Variants in GRIN2B observed in about 807,000 individuals in gnomAD.
GRIN2B encodes glutamate receptor ionotropic, NMDA 2B.
Under a neutral mutation model 114.5 loss-of-function variants are expected in GRIN2B, and 5 were observed. The observed-to-expected ratio is 0.04, with a 90% CI of 0.02 to 0.09. GRIN2B has a LOEUF of 0.09. Among genes scored for constraint, GRIN2B ranks in the 10% least tolerant of loss-of-function variants. The pLI is 1.00. For missense variants in GRIN2B, 1,108 were observed against 1,943.5 expected, an observed-to-expected ratio of 0.57 and a Z score of 8.08; for synonymous variants, 787 against 745.1, an observed-to-expected ratio of 1.06 and a Z score of -0.92.
intron 3 of GRIN2B, among the ~76,000 whole-genome samples, chr12:13,759,464 C>A (rs1180666104): frequency 6.6e-6 from 1 of 152,144 alleles, no homozygotes; most frequent in Non-Finnish European, 1.5e-5. Flanking sequence ...TATTTACATC[C>A]CTTTGTAGCA....
intron 3 of GRIN2B, among the ~76,000 whole-genome samples, chr12:13,771,867 C>T (rs556677169): frequency 3.9e-5 from 6 of 152,316 alleles, no homozygotes; most frequent in South Asian, 4.1e-4. Flanking sequence ...ACACAGCTTC[C>T]GAGTTTGACT....
intron 5 of GRIN2B, among the ~76,000 whole-genome samples, chr12:13,672,677 C>T (rs11613831): frequency 0.044 from 6,646 of 152,256 alleles, 202 homozygotes; most frequent in Non-Finnish European, 0.071. Context: ...CATCTATCTT[C>T]CAAAGTGTTC....
chr12:13,846,781 T>G (rs761213226), intron 3 of GRIN2B, among the ~76,000 whole-genome samples: 11 of 151,926 alleles, frequency 7.2e-5, no homozygotes, highest in Admixed American at 5.9e-4. Context: ...ATGAGAAAGT[T>G]GGAGAGTGAA....
At chr12:13,739,222 A>C (rs1863235510) in intron 4 of GRIN2B, among the ~76,000 whole-genome samples, 1 of 151,914 alleles carries the variant, frequency 6.6e-6, no homozygotes. Context: ...CTCTACTAAA[A>C]ATACAAAATT....
intron 4 of GRIN2B, among the ~76,000 whole-genome samples, chr12:13,734,758 G>C (rs1043830988): frequency 1.3e-5 from 2 of 152,166 alleles, no homozygotes; most frequent in South Asian, 2.1e-4. Flanking sequence ...CACAAAGAGA[G>C]GAATGACTAA....
At chr12:13,622,532 T>C (rs1209514709) in intron 5 of GRIN2B, among the ~76,000 whole-genome samples, 1 of 152,190 alleles carries the variant, frequency 6.6e-6, no homozygotes, top group Admixed American at 6.5e-5. Context: ...TTTTGCTCAA[T>C]CTTTGTTTTT....
intron 3 of GRIN2B, among the ~76,000 whole-genome samples, chr12:13,840,073 C>T (rs1865350988): frequency 6.6e-6 from 1 of 152,186 alleles, no homozygotes; most frequent in Admixed American, 6.5e-5. Flanking sequence ...CCACTTGTAA[C>T]TCAAAGGGTG....
At chr12:13,708,766 C>A (rs1028782870) in intron 4 of GRIN2B, among the ~76,000 whole-genome samples, 2 of 152,052 alleles carry the variant, frequency 1.3e-5, no homozygotes, top group African/African-American at 2.4e-5. Context: ...TTCTAACTAT[C>A]TTCTTGCAGT....
chr12:13,974,480 C>T (rs1591649147), intron 2 of GRIN2B, among the ~76,000 whole-genome samples: 1 of 152,136 alleles, frequency 6.6e-6, no homozygotes, highest in Admixed American at 6.5e-5. Context: ...TTGTTCTTTT[C>T]CTTGAGTTAA....
intron 4 of GRIN2B, among the ~76,000 whole-genome samples, chr12:13,698,857 A>ATTTTTTTTTT (rs1770418918): frequency 6.6e-6 from 1 of 151,932 alleles, no homozygotes; most frequent in East Asian, 1.9e-4. Flanking sequence ...TAACTTTTCT[A>ATTTTTTTTTT]TTTTTAGTAG....
chr12:13,774,606 T>G (rs893465934), intron 3 of GRIN2B, among the ~76,000 whole-genome samples: 1 of 152,210 alleles, frequency 6.6e-6, no homozygotes, highest in Non-Finnish European at 1.5e-5. Flanking sequence ...GTAAATATCA[T>G]TTTTAAATGG....
chr12:13,954,829 A>AAAAAAAAAAAAAAAT (rs1867559486), intron 2 of GRIN2B, among the ~76,000 whole-genome samples: 1 of 145,620 alleles, frequency 6.9e-6, no homozygotes, highest in Non-Finnish European at 1.5e-5. Flanking sequence ...AAAAAAAAAA[A>AAAAAAAAAAAAAAAT]CTTTTTCTTC....
intron 2 of GRIN2B, among the ~76,000 whole-genome samples, chr12:13,930,474 G>C (rs558164016): frequency 4.1e-4 from 62 of 152,178 alleles, no homozygotes; most frequent in African/African-American, 1.5e-3. Context: ...ATTCACCCAC[G>C]CAACAGCAGC....
chr12:13,846,991 G>A (rs1043143400), intron 3 of GRIN2B, among the ~76,000 whole-genome samples: 11 of 152,078 alleles, frequency 7.2e-5, no homozygotes, highest in African/African-American at 9.7e-5. Flanking sequence ...AACACGTGTC[G>A]CGGTTGCTAT....
intron 2 of GRIN2B, among the ~76,000 whole-genome samples, chr12:13,934,196 C>T (rs572139954): frequency 9.8e-5 from 15 of 152,328 alleles, no homozygotes; most frequent in Non-Finnish European, 2.1e-4. Flanking sequence ...TACTCCTTGA[C>T]AACCCATGCC....
chr12:13,716,946 C>G (rs900194906), intron 4 of GRIN2B, among the ~76,000 whole-genome samples: 4 of 151,900 alleles, frequency 2.6e-5, no homozygotes, highest in Non-Finnish European at 5.9e-5. Flanking sequence ...TAGAAAACTA[C>G]TAAATTTTCT....
chr12:13,940,561 T>C (rs968538818), intron 2 of GRIN2B, among the ~76,000 whole-genome samples: 1 of 152,006 alleles, frequency 6.6e-6, no homozygotes, highest in Non-Finnish European at 1.5e-5. Context: ...AACTAGGAGA[T>C]AATGGGGTGA....
intron 3 of GRIN2B, among the ~76,000 whole-genome samples, chr12:13,837,280 C>A (rs1443241820): frequency 2.0e-5 from 3 of 152,202 alleles, no homozygotes; most frequent in East Asian, 3.9e-4. Flanking sequence ...CAACCAAGAG[C>A]AGATCTTTCT....
intron 5 of GRIN2B, among the ~76,000 whole-genome samples, chr12:13,632,787 A>G (rs1003088969): frequency 6.6e-6 from 1 of 152,210 alleles, no homozygotes; most frequent in Non-Finnish European, 1.5e-5. Flanking sequence ...GAAGTGACCT[A>G]GAAAACGTCT....
Sources: allele counts gnomAD v4.1 joint callset (sites outside exome capture counted in the v4.1 genomes callset), GRCh38; gene constraint gnomAD v4.1.1; transcripts MANE v1.5; gene names NCBI Gene and HGNC (gene_info 2026-07-23, HGNC 2026-07-21).